Variants in SMARCAL1 observed in about 807,000 individuals in gnomAD.
SMARCAL1 encodes ATP-driven annealing helicase.
In SMARCAL1, 58 loss-of-function variants were observed where a neutral mutation model predicts 94.5. That is an observed-to-expected ratio of 0.61 (90% CI 0.50 to 0.76). SMARCAL1 has a LOEUF of 0.76. SMARCAL1 is among the 30% of genes least tolerant of loss of function. The probability of loss-of-function intolerance (pLI) is 0.00; values close to 1 mark genes in which losing one functional copy is unlikely to be tolerated. For missense variants in SMARCAL1, 1,051 were observed against 1,177.9 expected, an observed-to-expected ratio of 0.89 and a Z score of 1.58; for synonymous variants, 422 against 455.1, an observed-to-expected ratio of 0.93 and a Z score of 0.93.
chr2:216,428,587 T>A lies in SMARCAL1; in HGVS notation c.1148-9T>A. ...ACTCCAGCTCATATGCTTCTGTTCT[T>A]CTTTTCAGTTGCAAAGGTGCGCTGC... is the stretch of plus-strand genomic sequence containing the variant. On this transcript the variant is annotated splice_polypyrimidine_tract_variant and intron_variant, in intron 6 of 17. Coordinates refer to ENST00000357276, the MANE Select transcript of SMARCAL1 (RefSeq NM_014140.4). 6.2e-7 allele frequency: 1 copy of A among 1,613,242 alleles called. No individual in the cohort carries two copies. Among genetic ancestry groups the A allele is most frequent in the Non-Finnish European group, 8.5e-7 (1 of 1,179,960 alleles).
intron 12 of SMARCAL1, among the ~76,000 whole-genome samples, chr2:216,457,544 T>C (rs371205794): frequency 6.6e-6 from 1 of 152,078 alleles, no homozygotes; most frequent in East Asian, 1.9e-4. Flanking sequence ...CACTCAAAAC[T>C]GCTCAACTAC....
chr2:216,438,463 G>A lies in SMARCAL1; in HGVS notation c.1688G>A (p.Arg563Gln), dbSNP rs770947829. 7 of 1,613,864 alleles carry A rather than the reference G, an allele frequency of 4.3e-6. No individual in the cohort carries two copies. Among genetic ancestry groups the A allele is most frequent in the African/African-American group, 1.3e-5 (1 of 74,920 alleles). ...AAAAACAGTAGGACTGCCCGCTGTC[G>A]AGCAGCTATGCCGGTCCTAAAGGTG... ...FLKNSRTARC[R>Q]AAMPVLKVAK... is the part of the protein sequence containing the mutation. Residue 563 changes from arginine to glutamine, a missense_variant, in exon 10 of 18, where the codon CGA (arginine) becomes CAA (glutamine). By Grantham distance (43) the Arg-to-Gln change is conservative. Transcript: ENST00000357276.
chr2:216,420,028 C>CAAAAAAAAAAAAAAAAAA (rs60555710), intron 4 of SMARCAL1, among the ~76,000 whole-genome samples: 1 of 40,164 alleles, frequency 2.5e-5, no homozygotes, highest in Non-Finnish European at 5.2e-5. Flanking sequence ...GACCCCGTCT[C>CAAAAAAAAAAAAAAAAAA]AAAAAAAAAA....
rs781425240 is a variant in SMARCAL1, at chr2:216,414,996, T to C, written c.292T>C (p.Trp98Arg). 1 of 1,614,190 alleles carries C rather than the reference T, an allele frequency of 6.2e-7. No homozygotes were observed. Among genetic ancestry groups the C allele is most frequent in the Non-Finnish European group, 8.5e-7 (1 of 1,180,030 alleles). ...CCACAGTTTTCAGGCAAAGGGAATATGGAAAAAGCCAGAAGAAATGCCCAC... is the reference window on the plus strand; with the variant it reads ...CCACAGTTTTCAGGCAAAGGGAATACGGAAAAAGCCAGAAGAAATGCCCAC... ...DSHSFQAKGI[W>R]KKPEEMPTAC... Residue 98 changes from tryptophan (W) to arginine (R), a missense_variant, in exon 3 of 18, where the codon TGG becomes CGG. By Grantham distance (101) the Trp-to-Arg change is moderately radical (BLOSUM62 -3). Around this residue, in one of 3 missense-constraint regions of SMARCAL1, gnomAD observed 398 missense variants for 395.2 expected, o/e 1.01. Coordinates refer to ENST00000357276, the MANE Select transcript of SMARCAL1 (RefSeq NM_014140.4).
chr2:216,415,332 A>T lies in SMARCAL1; in HGVS notation c.628A>T (p.Ser210Cys). 6.2e-7 allele frequency: 1 copy of T among 1,614,256 alleles called. No homozygotes were observed. The highest frequency in any genetic ancestry group is 8.5e-7 in the Non-Finnish European group (1 of 1,180,042). ...GCAGAACATTTCTTACATCCATTCT[A>T]GCTCAGAGAGTGTAACGCCCAGGAC... Reference protein sequence around the residue: ...SGQNISYIHSSSESVTPRTEG... With the variant: ...SGQNISYIHSCSESVTPRTEG... The change falls in exon 3 of 18, where the codon AGC (serine) becomes TGC (cysteine). Residue 210 changes from serine to cysteine, a missense_variant. Coordinates refer to ENST00000357276, the MANE Select transcript of SMARCAL1 (RefSeq NM_014140.4).
At chr2:216,442,431 A>AG (rs940079794) in intron 10 of SMARCAL1, among the ~76,000 whole-genome samples, 6 of 151,598 alleles carry the variant, frequency 4.0e-5, no homozygotes, top group African/African-American at 1.5e-4. Context: ...AAAAAAAAAA[A>AG]AAAAAATTCA....
At chr2:216,450,788 C>T (rs1694430643) in intron 11 of SMARCAL1, 58 bp from the exon 12 acceptor site, 2 of 1,419,258 alleles carry the variant, frequency 1.4e-6, no homozygotes, top group African/African-American at 1.4e-5. Context: ...TCCCAAGTCC[C>T]TGTTGGACTG....
chr2:216,415,198 A>G lies in SMARCAL1; in HGVS notation c.494A>G (p.Lys165Arg). 6.2e-7 allele frequency: 1 copy of G among 1,613,990 alleles called. No individual in the cohort carries two copies. The highest frequency in any genetic ancestry group is 8.5e-7 in the Non-Finnish European group (1 of 1,179,940). Residue 165 changes from lysine to arginine, a missense_variant, in exon 3 of 18, where the codon AAG becomes AGG. Coordinates refer to ENST00000357276, the MANE Select transcript of SMARCAL1 (RefSeq NM_014140.4). ...ACACCCTTTGCTAACCCAACTCATA[A>G]GCCTCTGGCCAAACCAAAGAGTTCC... Reference protein sequence around the residue: ...RFTPFANPTHKPLAKPKSSQE... With the variant: ...RFTPFANPTHRPLAKPKSSQE...
Position 216,474,275 on chromosome 2 carries a change from G to C in SMARCAL1, c.2245-994G>C, listed in dbSNP as rs1302959765. ...CTGCCTTGGCCTCCTGAGTAGCTGG[G>C]ATTACAGGCGCACACCAGCACATCT... On this transcript the variant is annotated intron_variant, in intron 14 of 17. Coordinates refer to ENST00000357276, the MANE Select transcript of SMARCAL1 (RefSeq NM_014140.4). Among the ~76,000 whole-genome samples, 14 of 149,634 alleles carry C rather than the reference G, an allele frequency of 9.4e-5. No homozygotes were observed. In the East Asian group the frequency reaches 1.6e-3, roughly 17 times the overall value.
chr2:216,470,258 C>A (rs1694933117), intron 14 of SMARCAL1, among the ~76,000 whole-genome samples: 1 of 152,146 alleles, frequency 6.6e-6, no homozygotes, highest in Non-Finnish European at 1.5e-5. Flanking sequence ...TCAAGAGATT[C>A]TCATGCCTCA....
intron 9 of SMARCAL1, among the ~76,000 whole-genome samples, chr2:216,437,296 A>G (rs557682111): frequency 1.3e-5 from 2 of 152,202 alleles, no homozygotes; most frequent in Non-Finnish European, 2.9e-5. Flanking sequence ...AAGGCATATG[A>G]CCGTAACACT....
rs1178301097 is a variant in SMARCAL1 at position 216,432,777 on chromosome 2, C to T, written c.1394C>T (p.Thr465Ile). 6.2e-7 allele frequency: 1 copy of T among 1,614,200 alleles called. No individual in the cohort carries two copies. The highest frequency in any genetic ancestry group is 8.5e-7 in the Non-Finnish European group (1 of 1,180,032). ...GCTGACGACATGGGCCTGGGGAAGA[C>T]CATCCAAGCCATCTGCATCGCAGCC... The part of the protein sequence containing the change: ...LLADDMGLGK[T>I]IQAICIAAFY... The change falls in exon 8 of 18, where the codon ACC becomes ATC. Residue 465 changes from threonine to isoleucine, a missense_variant. By Grantham distance (89) the Thr-to-Ile change is moderately conservative. Coordinates refer to ENST00000357276, the MANE Select transcript of SMARCAL1 (RefSeq NM_014140.4).
At chr2:216,446,923 TG>T in intron 10 of SMARCAL1, 94 bp from the exon 11 acceptor site, 2 of 1,488,522 alleles carry the variant, frequency 1.3e-6, no homozygotes, top group Non-Finnish European at 9.3e-7. Flanking sequence ...GGTCTTTTTC[TG>T]GGGGCATCCA....
At chr2:216,452,682 T>G (rs879928555) in intron 12 of SMARCAL1, among the ~76,000 whole-genome samples, 2 of 152,160 alleles carry the variant, frequency 1.3e-5, no homozygotes, top group Non-Finnish European at 2.9e-5. Flanking sequence ...GCACATTAAC[T>G]TGTTGAAACA....
intron 3 of SMARCAL1, chr2:216,415,866 A>G: frequency 5.1e-6 from 2 of 391,576 alleles, no homozygotes; most frequent in Admixed American, 8.0e-5. Context: ...TGGCCCAGCA[A>G]GATTAAGTGA....
intron 7 of SMARCAL1, among the ~76,000 whole-genome samples, chr2:216,430,642 C>T (rs1693941532): frequency 6.6e-6 from 1 of 152,034 alleles, no homozygotes; most frequent in Non-Finnish European, 1.5e-5. Context: ...TAGTTGGGCT[C>T]CCTCTAGGCA....
In SMARCAL1 at chr2:216,450,461, T is replaced by A. The variant is rs147321066; in HGVS notation, c.1852-385T>A. On this transcript the variant is annotated intron_variant, in intron 11 of 17. Transcript: ENST00000357276. ...TATTTTATTACATTGTGCAACAGACTCTGTAGGATAAGCCATAGGGAAGAT... is the reference window on the plus strand; with the variant it reads ...TATTTTATTACATTGTGCAACAGACACTGTAGGATAAGCCATAGGGAAGAT... Among the ~76,000 whole-genome samples, 460 of 152,348 alleles carry A rather than the reference T, an allele frequency of 3.0e-3. 1 individual carries two copies. Among genetic ancestry groups the A allele is most frequent in the African/African-American group, 0.01 (431 of 41,578 alleles).
At chr2:216,438,628 C>G in intron 10 of SMARCAL1, 143 bp downstream of exon 10, 1 of 730,630 alleles carries the variant, frequency 1.4e-6, no homozygotes, top group Non-Finnish European at 2.4e-6. Context: ...CTTAGGGCAT[C>G]TGTCTCTCTC....
intron 5 of SMARCAL1, among the ~76,000 whole-genome samples, chr2:216,422,436 G>C (rs1407966280): frequency 3.3e-5 from 5 of 152,132 alleles, no homozygotes; most frequent in African/African-American, 1.2e-4. Flanking sequence ...TCCTGACATG[G>C]TCTGCATTCT....
Sources: allele counts gnomAD v4.1 joint callset (sites outside exome capture counted in the v4.1 genomes callset), GRCh38; gene constraint gnomAD v4.1.1; regional missense constraint gnomAD v4.1.1; transcripts MANE v1.5; gene names NCBI Gene and HGNC (gene_info 2026-07-23, HGNC 2026-07-21).